The following CCNY variants were observed in gnomAD, a reference collection of about 807,000 sequenced individuals.
CCNY encodes the protein cyclin Y, also known as cyclin-Y.
CCNY carries 19 observed loss-of-function variants against 42.8 expected under a neutral mutation model. That is an observed-to-expected ratio of 0.44 (90% CI 0.31 to 0.65). CCNY has a LOEUF of 0.65. Ranked by LOEUF, CCNY falls within the 30% of genes least tolerant of loss-of-function variation. The pLI is 0.07. For synonymous variants in CCNY, 165 were observed against 162.7 expected, an observed-to-expected ratio of 1.01 and a Z score of -0.11; for missense variants, 370 against 437.3, an observed-to-expected ratio of 0.85 and a Z score of 1.37.
At chr10:35,264,621 G>A (rs1246772751) in intron 3 of CCNY, among the ~76,000 whole-genome samples, 1 of 151,960 alleles carries the variant, frequency 6.6e-6, no homozygotes, top group East Asian at 1.9e-4. Context: ...CTTTTGAGCA[G>A]TGTCTGTTCA....
intron 1 of CCNY, among the ~76,000 whole-genome samples, chr10:35,463,085 C>G (rs918451493): frequency 4.6e-5 from 7 of 152,226 alleles, no homozygotes; most frequent in Non-Finnish European, 7.3e-5. Context: ...TTCATGGCTT[C>G]TAAGGAAGTG....
intron 1 of CCNY, among the ~76,000 whole-genome samples, chr10:35,426,776 A>G (rs746434346): frequency 1.3e-5 from 2 of 152,162 alleles, no homozygotes; most frequent in Non-Finnish European, 2.9e-5. Context: ...ACCCTTCCCC[A>G]CTGTTGCAGT....
At chr10:35,543,395 A>G (rs954775735) in intron 7 of CCNY, among the ~76,000 whole-genome samples, 1 of 152,226 alleles carries the variant, frequency 6.6e-6, no homozygotes, top group African/African-American at 2.4e-5. Flanking sequence ...AGCTGTAACA[A>G]TATGGTCATG....
intron 3 of CCNY, among the ~76,000 whole-genome samples, chr10:35,311,813 C>A (rs563194855): frequency 6.6e-6 from 1 of 152,072 alleles, no homozygotes; most frequent in South Asian, 2.1e-4. Context: ...TAGGGACACC[C>A]CCTCTCTACA....
Position 35,553,104 on chromosome 10 carries a change from T to C in CCNY, c.665T>C (p.Leu222Pro). 6.2e-7 allele frequency: 1 copy of C among 1,614,220 alleles called. No homozygotes were observed. The highest frequency in any genetic ancestry group is 1.1e-5 in the South Asian group (1 of 91,086). Residue 222 changes from leucine to proline, a missense_variant, in exon 8 of 10, where the codon CTG becomes CCG. Physicochemically the swap from Leu to Pro is moderately conservative, Grantham distance 98 (BLOSUM62 -3). Transcript: ENST00000374704. ...CGGATTGTTTTAGGGGCGATCCTGC[T>C]GGCCTCCAAGGTGTGGGATGACCAG... ...WKRIVLGAIL[L>P]ASKVWDDQAV... is the part of the protein sequence containing the mutation.
intron 1 of CCNY, among the ~76,000 whole-genome samples, chr10:35,421,120 A>G (rs1159301571): frequency 6.6e-6 from 1 of 151,870 alleles, no homozygotes; most frequent in Non-Finnish European, 1.5e-5. Flanking sequence ...ACGAGGTTCA[A>G]AGGACCTGGC....
chr10:35,345,918 T>C (rs2135128586), intron 1 of CCNY, among the ~76,000 whole-genome samples: 1 of 152,310 alleles, frequency 6.6e-6, no homozygotes, highest in African/African-American at 2.4e-5. Context: ...GGGATGAATA[T>C]TTGAAGAAGC....
intron 3 of CCNY, among the ~76,000 whole-genome samples, chr10:35,273,331 A>G (rs1173193840): frequency 6.6e-6 from 1 of 151,900 alleles, no homozygotes; most frequent in Non-Finnish European, 1.5e-5. Flanking sequence ...CCTTCTGAGT[A>G]GCTGGGATTA....
intron 1 of CCNY, among the ~76,000 whole-genome samples, chr10:35,359,757 T>A (rs1435890222): frequency 6.6e-6 from 1 of 152,214 alleles, no homozygotes; most frequent in Non-Finnish European, 1.5e-5. Flanking sequence ...CGTGCTAAGT[T>A]GTTAAAAAAC....
In CCNY at chr10:35,336,906, C is replaced by A. The variant is rs1224789532; in HGVS notation, c.-148C>A. ...GCCGCCGCCGCCGCTGCTGACCCGG[C>A]GGCCGGCCGCCGTTCCGCCCCCTCC... On this transcript the variant is annotated 5_prime_UTR_variant, in exon 1 of 10. Coordinates refer to ENST00000374704, the MANE Select transcript of CCNY (RefSeq NM_145012.6). The A allele has an allele frequency of 2.3e-5, 4 of 171,132 alleles. No homozygotes were observed. The highest frequency in any genetic ancestry group is 2.6e-5 in the Non-Finnish European group (4 of 154,630). The allele number at this position is 171,132 out of a possible 1,614,324, so 10.6% of individuals were successfully genotyped here.
chr10:35,561,841 C>T (rs550384672), intron 8 of CCNY, among the ~76,000 whole-genome samples: 3 of 152,208 alleles, frequency 2.0e-5, no homozygotes, highest in Non-Finnish European at 4.4e-5. Flanking sequence ...CACTGTACGA[C>T]GAGTGTCACT....
chr10:35,280,893 C>T (rs1282078116), intron 3 of CCNY, among the ~76,000 whole-genome samples: 1 of 152,118 alleles, frequency 6.6e-6, no homozygotes, highest in African/African-American at 2.4e-5. Context: ...GCTCTTACAA[C>T]TCAATACTAA....
Position 35,342,160 on chromosome 10 carries a change from G to T in CCNY, c.154+4953G>T, listed in dbSNP as rs191113937. Among the ~76,000 whole-genome samples the T allele has an allele frequency of 9.0e-4, 137 of 152,310 alleles. 1 individual carries two copies. Among genetic ancestry groups the T allele is most frequent in the African/African-American group, 2.9e-3 (122 of 41,572 alleles). On this transcript the variant is annotated intron_variant, in intron 1 of 9. Transcript: ENST00000374704. ...TAACTGGCAAAACTGCTTGCCGTTA[G>T]AAGAGTGGGGACACAGGGCAATTTG... is the stretch of plus-strand genomic sequence containing the variant.
At position 35,505,414 on chromosome 10, in the gene CCNY, A is replaced by C. The variant is rs1249413071; in HGVS notation, c.264+3879A>C. On this transcript the variant is annotated intron_variant, in intron 3 of 9. Transcript: ENST00000374704. Reference sequence around the variant, plus strand: ...TGTAGTGTGATCCTCAAAAAAAAAAAAACCAAAGCATTTGTCTCAACACTG... The same window carrying C: ...TGTAGTGTGATCCTCAAAAAAAAAACAACCAAAGCATTTGTCTCAACACTG... Among the ~76,000 whole-genome samples, 3 of 152,340 alleles carry C rather than the reference A, an allele frequency of 2.0e-5. No individual in the cohort carries two copies. In the South Asian group the frequency reaches 6.2e-4, roughly 32 times the overall value.
chr10:35,383,540 G>A (rs187119852), intron 1 of CCNY, among the ~76,000 whole-genome samples: 5 of 152,166 alleles, frequency 3.3e-5, no homozygotes, highest in Admixed American at 2.6e-4. Context: ...ACTCCTGACC[G>A]CAGGTGATCT....
intron 8 of CCNY, among the ~76,000 whole-genome samples, chr10:35,560,171 T>C (rs1841438803): frequency 6.6e-6 from 1 of 152,046 alleles, no homozygotes; most frequent in South Asian, 2.1e-4. Context: ...ATTTGGGACT[T>C]AGAGATGGAG....
chr10:35,407,390 G>A (rs931718716), intron 1 of CCNY, among the ~76,000 whole-genome samples: 5 of 152,052 alleles, frequency 3.3e-5, no homozygotes, highest in African/African-American at 1.2e-4. Context: ...AGACGCTTGG[G>A]GTTAGGACTG....
At chr10:35,444,249 C>CT (rs1323493317) in intron 1 of CCNY, among the ~76,000 whole-genome samples, 4,350 of 136,502 alleles carry the variant, frequency 0.032, 151 homozygotes, top group African/African-American at 0.076. Context: ...TGTTTTTTGG[C>CT]TTTTTTTTTT....
intron 1 of CCNY, among the ~76,000 whole-genome samples, chr10:35,478,975 C>G (rs1275947576): frequency 3.3e-5 from 5 of 152,204 alleles, no homozygotes; most frequent in Non-Finnish European, 7.3e-5. Flanking sequence ...CAAAAGAAGA[C>G]ATTTATGCAG....
Sources: gnomAD v4.1 joint callset for allele counts (sites outside exome capture counted in the v4.1 genomes callset) on GRCh38, gnomAD v4.1.1 for gene constraint, MANE v1.5 for transcripts, NCBI Gene and HGNC (gene_info 2026-07-23, HGNC 2026-07-21) for gene names.